FSTL5: variants seen among roughly 807,000 people sequenced by gnomAD.
The protein encoded by FSTL5 is follistatin like 5, also known as follistatin-related protein 5.
A neutral mutation model predicts 89.1 loss-of-function variants in FSTL5; 62 were observed. That is an observed-to-expected ratio of 0.70 (90% CI 0.57 to 0.86). The LOEUF is 0.86. FSTL5 is among the 40% of genes least tolerant of loss of function. FSTL5 has a pLI of 0.00. For synonymous variants in FSTL5, 383 were observed against 346.2 expected, an observed-to-expected ratio of 1.11 and a Z score of -1.18; for missense variants, 1,057 against 1,001.6, an observed-to-expected ratio of 1.06 and a Z score of -0.75.
chr4:162,045,937 T>C (rs564390040), intron 2 of FSTL5, among the ~76,000 whole-genome samples: 1 of 150,152 alleles, frequency 6.7e-6, no homozygotes, highest in South Asian at 2.1e-4. Flanking sequence ...ACGAGTTTTT[T>C]AAGAGGATAA....
chr4:161,981,455 A>C (rs1211826378), intron 3 of FSTL5, among the ~76,000 whole-genome samples: 1 of 152,140 alleles, frequency 6.6e-6, no homozygotes, highest in African/African-American at 2.4e-5. Context: ...AGAAATGTAA[A>C]ATTTTCACCA....
intron 4 of FSTL5, among the ~76,000 whole-genome samples, chr4:161,897,128 T>G (rs1369053451): frequency 6.6e-6 from 1 of 151,606 alleles, no homozygotes; most frequent in East Asian, 1.9e-4. Context: ...TTAGATATCT[T>G]TAAAAAGAAG....
At chr4:161,602,253 A>AGAGAGAG (rs1734273762) in intron 7 of FSTL5, among the ~76,000 whole-genome samples, 1 of 122,732 alleles carries the variant, frequency 8.1e-6, no homozygotes, top group African/African-American at 3.2e-5. Flanking sequence ...GAGGGAGAGA[A>AGAGAGAG]AGAGAGAGAG....
At chr4:161,544,407 A>T (rs1456678909) in intron 8 of FSTL5, among the ~76,000 whole-genome samples, 3 of 152,016 alleles carry the variant, frequency 2.0e-5, no homozygotes, top group African/African-American at 7.2e-5. Context: ...ATATTAATCC[A>T]TTTATAAAAC....
intron 15 of FSTL5, among the ~76,000 whole-genome samples, chr4:161,391,262 C>T (rs988697234): frequency 1.3e-5 from 2 of 151,976 alleles, no homozygotes; most frequent in Admixed American, 1.3e-4. Context: ...GGCTTAAATC[C>T]AAAACACATG....
chr4:162,097,509 T>C (rs762050293), intron 2 of FSTL5, among the ~76,000 whole-genome samples: 7 of 151,902 alleles, frequency 4.6e-5, no homozygotes, highest in Non-Finnish European at 7.4e-5. Flanking sequence ...TACAAAATTA[T>C]ATTAAACTGG....
chr4:161,687,120 AAACT>A (rs1170036207), intron 6 of FSTL5, among the ~76,000 whole-genome samples: 1 of 152,230 alleles, frequency 6.6e-6, no homozygotes, highest in Non-Finnish European at 1.5e-5. Context: ...GATTTAAAAC[AAACT>A]AAATATACAA....
chr4:161,519,524 TCAAAACAAAA>T (rs112732857), intron 10 of FSTL5, among the ~76,000 whole-genome samples: 1 of 151,608 alleles, frequency 6.6e-6, no homozygotes, highest in Non-Finnish European at 1.5e-5. Flanking sequence ...AGACTCTATC[TCAAAACAAAA>T]CAAAACAAAA....
intron 15 of FSTL5, 41 bp from the exon 16 acceptor site, chr4:161,386,490 A>G: frequency 7.0e-7 from 1 of 1,430,282 alleles, no homozygotes; most frequent in Non-Finnish European, 9.5e-7. Context: ...GAAGCAATGG[A>G]GTTTTTAGCC....
intron 4 of FSTL5, among the ~76,000 whole-genome samples, chr4:161,876,906 C>T (rs944257868): frequency 1.3e-5 from 2 of 151,650 alleles, no homozygotes; most frequent in Non-Finnish European, 2.9e-5. Context: ...TATGATAGGC[C>T]GGGCGCTGTG....
intron 4 of FSTL5, among the ~76,000 whole-genome samples, chr4:161,804,535 G>GTTT (rs4065061): frequency 7.9e-5 from 12 of 151,680 alleles, no homozygotes; most frequent in South Asian, 2.1e-4. Flanking sequence ...TACAACCACT[G>GTTT]TTTTTTCAAA....
Position 161,558,206 on chromosome 4 carries a change from G to A in FSTL5, c.1016-15513C>T, listed in dbSNP as rs1314699541. ...TCTTGAAATAATAAACTATCGAAAGGAAGAGCAGATTAGTGGCTGTCAGCA... is the reference window on the plus strand; with the variant it reads ...TCTTGAAATAATAAACTATCGAAAGAAAGAGCAGATTAGTGGCTGTCAGCA... On this transcript the variant is annotated intron_variant, in intron 8 of 15. Transcript: ENST00000306100. Among the ~76,000 whole-genome samples, 5 of 151,880 alleles carry A rather than the reference G, an allele frequency of 3.3e-5. No individual in the cohort carries two copies. In the South Asian group the frequency reaches 8.3e-4, roughly 25 times the overall value.
Position 161,386,254 on chromosome 4 carries a change from C to T in FSTL5, c.2037G>A (p.Val679=), listed in dbSNP as rs534082416. ...CAATGACTGAGTCAGTTACACCGTCCACCATGACCTGTGGGGAAACTGCTC... is the reference window on the plus strand; with the variant it reads ...CAATGACTGAGTCAGTTACACCGTCTACCATGACCTGTGGGGAAACTGCTC... The part of the protein sequence containing the change: ...STGAVSPQVM[V]DGVTDSVIGF... The change falls in exon 16 of 16, where the codon GTG becomes GTA. Residue 679 remains valine (V), a synonymous_variant. Transcript: ENST00000306100. 6.2e-7 allele frequency: 1 copy of T among 1,613,990 alleles called. No individual in the cohort carries two copies. Among genetic ancestry groups the T allele is most frequent in the South Asian group, 1.1e-5 (1 of 91,072 alleles).
At chr4:161,938,914 C>T (rs879039335) in intron 3 of FSTL5, among the ~76,000 whole-genome samples, 1 of 151,582 alleles carries the variant, frequency 6.6e-6, no homozygotes, top group Admixed American at 6.6e-5. Context: ...AACAGGTTTC[C>T]AGCATCAAAT....
intron 1 of FSTL5, among the ~76,000 whole-genome samples, chr4:162,146,661 G>GTCCCTTCCCTTCCCT (rs200924276): frequency 1.6e-4 from 23 of 140,784 alleles, no homozygotes; most frequent in African/African-American, 5.9e-4. Flanking sequence ...TTTACCTAAT[G>GTCCCTTCCCTTCCCT]TCCCTTCCCT....
chr4:161,531,310 T>A (rs1731404578), intron 10 of FSTL5, among the ~76,000 whole-genome samples: 1 of 152,118 alleles, frequency 6.6e-6, no homozygotes, highest in Non-Finnish European at 1.5e-5. Context: ...AGTATCATAT[T>A]TCTGGCAAAT....
intron 7 of FSTL5, among the ~76,000 whole-genome samples, chr4:161,619,323 A>C (rs11100378): frequency 0.17 from 25,469 of 152,164 alleles, 2,741 homozygotes; most frequent in Non-Finnish European, 0.21. Context: ...TGGCAACAAA[A>C]GACAAAATTG....
intron 6 of FSTL5, among the ~76,000 whole-genome samples, chr4:161,677,179 G>C (rs1737334953): frequency 2.6e-5 from 4 of 151,496 alleles, no homozygotes; most frequent in Non-Finnish European, 1.5e-5. Flanking sequence ...TGAAACTACA[G>C]AATTTTTTTT....
chr4:162,093,125 G>A (rs1730614675), intron 2 of FSTL5, among the ~76,000 whole-genome samples: 1 of 152,028 alleles, frequency 6.6e-6, no homozygotes, highest in African/African-American at 2.4e-5. Flanking sequence ...AATATCAAAT[G>A]TCATTAAACA....
Sources: gnomAD v4.1 joint callset for allele counts (sites outside exome capture counted in the v4.1 genomes callset) on GRCh38, gnomAD v4.1.1 for gene constraint, MANE v1.5 for transcripts, NCBI Gene and HGNC (gene_info 2026-07-23, HGNC 2026-07-21) for gene names.